Variants in CFAP58 observed in about 807,000 individuals in gnomAD.
CFAP58 encodes cilia and flagella associated protein 58, also known as cilia- and flagella-associated protein 58.
Under a neutral mutation model 119.5 loss-of-function variants are expected in CFAP58, and 88 were observed. The observed-to-expected ratio is 0.74, with a 90% CI of 0.62 to 0.88. The LOEUF (loss-of-function observed/expected upper bound fraction) is 0.88, where lower values mean the gene tolerates loss of function less well. CFAP58 is among the 40% of genes least tolerant of loss of function. CFAP58 has a pLI of 0.00. For missense variants in CFAP58, 990 were observed against 1,021.2 expected, an observed-to-expected ratio of 0.97 and a Z score of 0.42; for synonymous variants, 365 against 366.3, an observed-to-expected ratio of 1.00 and a Z score of 0.04.
At chr10:104,450,726 G>A (rs1285154125) in intron 17 of CFAP58, among the ~76,000 whole-genome samples, 1 of 115,022 alleles carries the variant, frequency 8.7e-6, no homozygotes, top group African/African-American at 4.0e-5. Flanking sequence ...ATTTTTTTTT[G>A]TAGCAACAGG....
chr10:104,375,278 A>T (rs1423047241), intron 7 of CFAP58, among the ~76,000 whole-genome samples: 1 of 151,376 alleles, frequency 6.6e-6, no homozygotes, highest in Non-Finnish European at 1.5e-5. Flanking sequence ...ATATACACGT[A>T]TATTTACATA....
At chr10:104,414,023 G>A (rs2012504688) in intron 15 of CFAP58, among the ~76,000 whole-genome samples, 1 of 152,128 alleles carries the variant, frequency 6.6e-6, no homozygotes, top group Admixed American at 6.6e-5. Flanking sequence ...TGCATGCCAT[G>A]ATCAGAAACA....
chr10:104,425,023 G>A (rs2012720717), intron 15 of CFAP58, among the ~76,000 whole-genome samples: 1 of 152,156 alleles, frequency 6.6e-6, no homozygotes, highest in East Asian at 1.9e-4. Flanking sequence ...CCGTCTCAAA[G>A]CCCCAGTGAC....
At position 104,447,769 on chromosome 10, in the gene CFAP58, G is replaced by C. The variant is rs751927868; in HGVS notation, c.2328G>C (p.Gln776His). The C allele has an allele frequency of 2.2e-5, 35 of 1,614,046 alleles. No individual in the cohort carries two copies. The highest frequency in any genetic ancestry group is 1.9e-5 in the Non-Finnish European group (22 of 1,180,016). Residue 776 changes from glutamine to histidine, a missense_variant, in exon 16 of 18, where the codon CAG becomes CAC. Coordinates refer to ENST00000369704, the MANE Select transcript of CFAP58 (RefSeq NM_001008723.2). Reference protein sequence around the residue: ...ARQPGPEAAEQLKLYRRTLHD... With the variant: ...ARQPGPEAAEHLKLYRRTLHD... ...AGCCTGGACCTGAGGCTGCGGAACA[G>C]CTGAAGCTGTACCGACGCACGCTGC...
intron 15 of CFAP58, among the ~76,000 whole-genome samples, chr10:104,409,525 T>C (rs1221479801): frequency 6.6e-6 from 1 of 152,198 alleles, no homozygotes; most frequent in Non-Finnish European, 1.5e-5. Flanking sequence ...AATTGTATTG[T>C]CCACATCTGT....
At chr10:104,405,641 T>C (rs536997505) in intron 14 of CFAP58, among the ~76,000 whole-genome samples, 1 of 152,352 alleles carries the variant, frequency 6.6e-6, no homozygotes, top group Admixed American at 6.5e-5. Flanking sequence ...GCTTTGTGGA[T>C]TGATAATTCC....
intron 9 of CFAP58, among the ~76,000 whole-genome samples, chr10:104,381,462 G>T (rs1273546057): frequency 6.6e-6 from 1 of 152,140 alleles, no homozygotes; most frequent in African/African-American, 2.4e-5. Context: ...TAGTTACGAG[G>T]CTGATAACAA....
chr10:104,392,472 C>A, intron 10 of CFAP58, 78 bp downstream of exon 10: 3 of 1,031,330 alleles, frequency 2.9e-6, no homozygotes, highest in Non-Finnish European at 1.4e-6. Context: ...ATCCTAATGG[C>A]AGAATTTAGA....
At chr10:104,452,026 A>T (rs1036712257) in intron 17 of CFAP58, among the ~76,000 whole-genome samples, 1 of 152,140 alleles carries the variant, frequency 6.6e-6, no homozygotes, top group African/African-American at 2.4e-5. Flanking sequence ...GGCATGAGCC[A>T]CTGTGCCCTG....
chr10:104,436,265 G>C (rs2012932624), intron 15 of CFAP58, among the ~76,000 whole-genome samples: 1 of 152,174 alleles, frequency 6.6e-6, no homozygotes, highest in Admixed American at 6.5e-5. Flanking sequence ...TTAGAGTAGT[G>C]TATGTATATA....
Position 104,447,731 on chromosome 10 carries a change from G to A in CFAP58, c.2290G>A (p.Val764Ile), listed in dbSNP as rs773079523. Residue 764 changes from valine (V) to isoleucine (I), a missense_variant, in exon 16 of 18, where the codon GTC (valine) becomes ATC (isoleucine). Coordinates refer to ENST00000369704, the MANE Select transcript of CFAP58 (RefSeq NM_001008723.2). The part of the protein sequence containing the change: ...KEKLYMELKH[V>I]LARQPGPEAA... ...GAAACTCTACATGGAACTAAAGCACGTCTTGGCCCGCCAGCCTGGACCTGA... is the reference window on the plus strand; with the variant it reads ...GAAACTCTACATGGAACTAAAGCACATCTTGGCCCGCCAGCCTGGACCTGA... 1.1e-5 allele frequency: 18 copies of A among 1,614,010 alleles called. No homozygotes were observed. Among genetic ancestry groups the A allele is most frequent in the Middle Eastern group, 1.6e-4 (1 of 6,084 alleles).
intron 7 of CFAP58, among the ~76,000 whole-genome samples, chr10:104,374,589 A>T (rs2014866201): frequency 1.3e-5 from 2 of 152,032 alleles, no homozygotes; most frequent in African/African-American, 4.8e-5. Context: ...GAAGTAGTAA[A>T]CTTCACTACT....
chr10:104,354,116 C>T (rs1011375575), intron 1 of CFAP58, among the ~76,000 whole-genome samples: 1 of 152,192 alleles, frequency 6.6e-6, no homozygotes, highest in Admixed American at 6.5e-5. Context: ...CCCCACTATC[C>T]CCACTGTGGC....
At position 104,406,686 on chromosome 10, in the gene CFAP58, C is replaced by T. The variant is rs191366639; in HGVS notation, c.2152-3C>T. 35 of 1,613,760 alleles carry T rather than the reference C, an allele frequency of 2.2e-5. No homozygotes were observed. The East Asian group carries it at 7.6e-4, about 35-fold the overall frequency. ...AGCTGCTATTGTTGTTCCCCTTGGACAGGCCAGCGACCCCAATGCATATGA... is the reference window on the plus strand; with the variant it reads ...AGCTGCTATTGTTGTTCCCCTTGGATAGGCCAGCGACCCCAATGCATATGA... On this transcript the variant is annotated splice_region_variant and splice_polypyrimidine_tract_variant and intron_variant, in intron 14 of 17. Coordinates refer to ENST00000369704, the MANE Select transcript of CFAP58 (RefSeq NM_001008723.2).
chr10:104,379,225 T>G (rs1564885151), intron 8 of CFAP58, among the ~76,000 whole-genome samples: 1 of 152,130 alleles, frequency 6.6e-6, no homozygotes, highest in Non-Finnish European at 1.5e-5. Flanking sequence ...TTTTTATGGA[T>G]CTGACTGTCC....
rs1439650188 is a variant in CFAP58 at position 104,364,736 on chromosome 10, C to T, written c.444C>T (p.Ile148=). The change falls in exon 4 of 18, where the codon ATC becomes ATT. Residue 148 remains isoleucine, a synonymous_variant. Transcript: ENST00000369704. ...SGLSMDQHSN[I]RDLLRFKEEV... ...CTCCTGTGTTCTTCCTTTTTAGCAT[C>T]CGAGATTTACTGAGGTTCAAAGAAG... 1 of 1,612,454 alleles carries T rather than the reference C, an allele frequency of 6.2e-7. No homozygotes were observed. Among genetic ancestry groups the T allele is most frequent in the East Asian group, 2.2e-5 (1 of 44,776 alleles).
chr10:104,389,142 C>A (rs967158085), intron 9 of CFAP58, among the ~76,000 whole-genome samples: 3 of 152,320 alleles, frequency 2.0e-5, no homozygotes, highest in Middle Eastern at 3.4e-3. Flanking sequence ...TGAACTTCTG[C>A]ATGACTTTGG....
chr10:104,368,313 A>G (rs2014777978), intron 5 of CFAP58, 110 bp from the exon 6 acceptor site: 1 of 945,126 alleles, frequency 1.1e-6, no homozygotes. Context: ...AAAGACAAAA[A>G]CTCAGGGTTG....
chr10:104,431,950 C>A (rs1188930011), intron 15 of CFAP58, among the ~76,000 whole-genome samples: 1 of 152,086 alleles, frequency 6.6e-6, no homozygotes, highest in African/African-American at 2.4e-5. Flanking sequence ...TATTCTATAG[C>A]CATTTTTTTA....
Sources: allele counts gnomAD v4.1 joint callset (sites outside exome capture counted in the v4.1 genomes callset), GRCh38; gene constraint gnomAD v4.1.1; transcripts MANE v1.5; gene names NCBI Gene and HGNC (gene_info 2026-07-23, HGNC 2026-07-21).